Variants in HDAC9 observed in about 807,000 individuals in gnomAD.
HDAC9 encodes MEF-2 interacting transcription repressor (MITR) protein.
HDAC9 carries 41 observed loss-of-function variants against 139.4 expected under a neutral mutation model. The observed-to-expected ratio is 0.29, with a 90% CI of 0.23 to 0.38. The LOEUF is 0.38. Among genes scored for constraint, HDAC9 ranks in the 10% least tolerant of loss-of-function variants. HDAC9 has a pLI of 1.00. For missense variants in HDAC9, 1,147 were observed against 1,297.0 expected, an observed-to-expected ratio of 0.88 and a Z score of 1.78; for synonymous variants, 517 against 476.2, an observed-to-expected ratio of 1.09 and a Z score of -1.12.
intron 2 of HDAC9, among the ~76,000 whole-genome samples, chr7:18,174,410 G>A (rs1426988007): frequency 6.6e-6 from 1 of 152,114 alleles, no homozygotes; most frequent in East Asian, 1.9e-4. Context: ...CCTTTAGCTT[G>A]GAGAAGTTTG....
chr7:18,268,406 A>G (rs962153159), intron 2 of HDAC9, among the ~76,000 whole-genome samples: 1 of 152,056 alleles, frequency 6.6e-6, no homozygotes, highest in Non-Finnish European at 1.5e-5. Flanking sequence ...TGAATTTTAA[A>G]TTTTACTTTA....
At chr7:18,966,175 C>G (rs1332035274) in intron 24 of HDAC9, among the ~76,000 whole-genome samples, 1 of 152,202 alleles carries the variant, frequency 6.6e-6, no homozygotes, top group African/African-American at 2.4e-5. Flanking sequence ...ATGGTTAAAT[C>G]TATACAAAAT....
chr7:18,290,088 A>T (rs543535101), upstream of HDAC9: 1 of 158,454 alleles, frequency 6.3e-6, no homozygotes, highest in South Asian at 1.8e-4. Context: ...TTCCTACCCA[A>T]ATTGAGTATA....
chr7:18,420,864 T>C (rs1181811401), intron 1 of HDAC9, among the ~76,000 whole-genome samples: 2 of 152,208 alleles, frequency 1.3e-5, no homozygotes, highest in Non-Finnish European at 2.9e-5. Context: ...TGGTCAAGGA[T>C]GGCCCCTCCA....
At chr7:18,659,592 G>A (rs771832911) in intron 11 of HDAC9, among the ~76,000 whole-genome samples, 1 of 152,142 alleles carries the variant, frequency 6.6e-6, no homozygotes, top group Non-Finnish European at 1.5e-5. Context: ...GGCATGCTTA[G>A]TGTTCGGCCC....
At chr7:18,568,038 A>ATATATATG (rs1036563302) in intron 2 of HDAC9, among the ~76,000 whole-genome samples, 1 of 145,738 alleles carries the variant, frequency 6.9e-6, no homozygotes, top group African/African-American at 2.5e-5. Context: ...ATATATATAT[A>ATATATATG]TATATATATA....
intron 12 of HDAC9, among the ~76,000 whole-genome samples, chr7:18,695,867 T>A (rs1783007321): frequency 6.6e-6 from 1 of 152,194 alleles, no homozygotes; most frequent in Non-Finnish European, 1.5e-5. Context: ...TTGAATATAA[T>A]GGACCTAGAT....
chr7:18,821,195 G>A (rs1198668731), intron 17 of HDAC9, among the ~76,000 whole-genome samples: 2 of 152,220 alleles, frequency 1.3e-5, no homozygotes, highest in Non-Finnish European at 2.9e-5. Context: ...GATAGGAAAT[G>A]CTCTCATGAC....
At chr7:18,300,574 T>C (rs1179448820) in intron 1 of HDAC9, among the ~76,000 whole-genome samples, 1 of 152,120 alleles carries the variant, frequency 6.6e-6, no homozygotes, top group East Asian at 1.9e-4. Flanking sequence ...ATTATTTTTA[T>C]CACAATAAAA....
chr7:18,529,881 A>C (rs1270469287), intron 2 of HDAC9, among the ~76,000 whole-genome samples: 1 of 152,092 alleles, frequency 6.6e-6, no homozygotes, highest in East Asian at 1.9e-4. Context: ...AAAATCCAGC[A>C]TTTTGCTCTG....
chr7:18,134,045 C>A (rs981390088), intron 1 of HDAC9, among the ~76,000 whole-genome samples: 1 of 151,002 alleles, frequency 6.6e-6, no homozygotes, highest in African/African-American at 2.4e-5. Context: ...TAAAACTCAG[C>A]TTTGATTATA....
intron 6 of HDAC9, among the ~76,000 whole-genome samples, chr7:18,620,870 T>C (rs536403991): frequency 6.6e-6 from 1 of 152,316 alleles, no homozygotes; most frequent in South Asian, 2.1e-4. Context: ...GTTATCATTG[T>C]TGTTTCCATC....
chr7:18,880,265 T>C (rs190699833), intron 22 of HDAC9, among the ~76,000 whole-genome samples: 90 of 152,254 alleles, frequency 5.9e-4, no homozygotes, highest in Non-Finnish European at 3.1e-4. Context: ...CTCAAAGAGC[T>C]AAAAGTACAA....
chr7:18,534,731 G>A (rs1810295555), intron 2 of HDAC9, among the ~76,000 whole-genome samples: 1 of 152,198 alleles, frequency 6.6e-6, no homozygotes, highest in Non-Finnish European at 1.5e-5. Context: ...AACTGCACTC[G>A]ATCCACCACT....
intron 1 of HDAC9, among the ~76,000 whole-genome samples, chr7:18,408,706 G>A (rs1393208697): frequency 6.6e-6 from 1 of 152,108 alleles, no homozygotes; most frequent in Non-Finnish European, 1.5e-5. Context: ...GAAAAGAATT[G>A]GGAGGCTTTT....
At chr7:18,901,221 TAC>T (rs373441653) in intron 22 of HDAC9, among the ~76,000 whole-genome samples, 12,481 of 122,874 alleles carry the variant, frequency 0.1, 1,469 homozygotes, top group African/African-American at 0.31. Flanking sequence ...TATATATATA[TAC>T]ACACACACAC....
intron 2 of HDAC9, among the ~76,000 whole-genome samples, chr7:18,579,276 T>C (rs1178196345): frequency 1.3e-5 from 2 of 152,224 alleles, no homozygotes; most frequent in African/African-American, 4.8e-5. Flanking sequence ...AAATTTTGTA[T>C]AAGGGGTTTT....
At chr7:18,988,745 C>T (rs1785599033) in intron 25 of HDAC9, among the ~76,000 whole-genome samples, 2 of 151,232 alleles carry the variant, frequency 1.3e-5, no homozygotes, top group African/African-American at 2.4e-5. Flanking sequence ...ATCTGGGTGC[C>T]CCTGTATTGG....
intron 2 of HDAC9, among the ~76,000 whole-genome samples, chr7:18,541,479 C>G (rs923735668): frequency 6.6e-6 from 1 of 152,100 alleles, no homozygotes; most frequent in Non-Finnish European, 1.5e-5. Flanking sequence ...GCTCAACTGT[C>G]TCTCTAATAC....
Sources: gnomAD v4.1 joint callset for allele counts (sites outside exome capture counted in the v4.1 genomes callset) on GRCh38, gnomAD v4.1.1 for gene constraint, MANE v1.5 for transcripts, NCBI Gene and HGNC (gene_info 2026-07-23, HGNC 2026-07-21) for gene names.